Variants in MED13 observed in about 807,000 individuals in gnomAD.
The protein encoded by MED13 is mediator complex subunit 13.
MED13 carries 23 observed loss-of-function variants against 225.2 expected under a neutral mutation model. The observed-to-expected ratio is 0.10, with a 90% CI of 0.07 to 0.14. The LOEUF is 0.14. MED13 is among the 10% of genes least tolerant of loss of function. The pLI is 1.00. For missense variants in MED13, 2,197 were observed against 2,594.5 expected (o/e 0.85, Z 3.33); for synonymous variants, 942 against 889.2 (o/e 1.06, Z -1.06).
chr17:62,013,716 T>G, intron 8 of MED13, among the ~76,000 whole-genome samples: 1 of 152,154 alleles, frequency 6.6e-6, no homozygotes, highest in East Asian at 1.9e-4. Flanking sequence ...AGAAGATAAA[T>G]TGTCTTTATT....
At chr17:62,064,890 G>A (rs146772641) in intron 1 of MED13, among the ~76,000 whole-genome samples, 1 of 152,346 alleles carries the variant, frequency 6.6e-6, no homozygotes, top group Non-Finnish European at 1.5e-5. Flanking sequence ...TTGAGGACGA[G>A]ACTACGGTGA....
At chr17:62,039,856 C>T (rs925706729) in intron 3 of MED13, among the ~76,000 whole-genome samples, 3 of 152,100 alleles carry the variant, frequency 2.0e-5, no homozygotes, top group Non-Finnish European at 4.4e-5. Context: ...ACCTTGGCAT[C>T]CCAAAGTGCT....
intron 9 of MED13, among the ~76,000 whole-genome samples, chr17:62,010,019 C>G (rs748171447): frequency 1.3e-5 from 2 of 151,966 alleles, no homozygotes; most frequent in Non-Finnish European, 1.5e-5. Flanking sequence ...GTCAGGAGTT[C>G]GAGACCAGCC....
At position 61,965,051 on chromosome 17, in the gene MED13, T is replaced by A. The variant is rs756083852; in HGVS notation, c.4799A>T (p.Glu1600Val). The change falls in exon 20 of 30, where the codon GAA (glutamate) becomes GTA (valine). Residue 1600 changes from glutamate to valine, a missense_variant. Glu to Val is a moderately radical substitution (Grantham distance 121, BLOSUM62 -2). Around this residue, in one of 12 missense-constraint regions of MED13, gnomAD observed 457 missense variants for 442.2 expected, o/e 1.03. Coordinates refer to ENST00000397786, the MANE Select transcript of MED13 (RefSeq NM_005121.3). ...SALQTAGISG[E>V]SSSLPTQPHP... is the part of the protein sequence containing the mutation. The stretch of plus-strand genomic sequence containing the variant: ...CGGCTGAGTGGGAAGTGAAGATGAT[T>A]CTCCAGAAATCCCAGCTGTCTGTAG... The A allele has an allele frequency of 6.2e-7, 1 of 1,614,128 alleles. No homozygotes were observed. The highest frequency in any genetic ancestry group is 1.7e-5 in the Admixed American group (1 of 60,006).
rs1282921208 is a variant in MED13, at chr17:61,984,816, T to C, written c.2526A>G (p.Gln842=). Reference sequence around the variant, plus strand: ...TCATTGGGGAAAATCCCATAATATGTTGTTCCAATGATGGTGGTGTAGGAT... The same window carrying C: ...TCATTGGGGAAAATCCCATAATATGCTGTTCCAATGATGGTGGTGTAGGAT... ...KMYPTPPSLE[Q]HIMGFSPMNM... The change falls in exon 14 of 30, where the codon CAA becomes CAG. Residue 842 remains glutamine (Q), a synonymous_variant. Transcript: ENST00000397786. 1 of 1,613,624 alleles carries C rather than the reference T, an allele frequency of 6.2e-7. No homozygotes were observed. The highest frequency in any genetic ancestry group is 8.5e-7 in the Non-Finnish European group (1 of 1,179,680).
intron 12 of MED13, among the ~76,000 whole-genome samples, chr17:61,985,794 T>G (rs887495333): frequency 2.6e-5 from 4 of 152,246 alleles, no homozygotes; most frequent in Non-Finnish European, 4.4e-5. Flanking sequence ...ACATTAAAGT[T>G]TCCTATATAA....
At chr17:61,967,805 C>T (rs183946237) in intron 18 of MED13, among the ~76,000 whole-genome samples, 1 of 152,214 alleles carries the variant, frequency 6.6e-6, no homozygotes, top group African/African-American at 2.4e-5. Flanking sequence ...TATCTATATG[C>T]CCTCAATGTT....
chr17:62,063,038 ATTAG>A (rs1391158284), intron 2 of MED13, 25 bp downstream of exon 2: 3 of 1,511,830 alleles, frequency 2.0e-6, no homozygotes, highest in Admixed American at 1.7e-5. Flanking sequence ...TTGCTATATC[ATTAG>A]TTAGAAATGG....
chr17:62,029,719 G>T, intron 7 of MED13, 68 bp from the exon 8 acceptor site: 1 of 1,526,354 alleles, frequency 6.6e-7, no homozygotes. Flanking sequence ...ATGTAGCATT[G>T]AAATTAATTT....
intron 2 of MED13, among the ~76,000 whole-genome samples, chr17:62,060,316 A>C (rs973337950): frequency 2.0e-5 from 3 of 151,216 alleles, no homozygotes; most frequent in Non-Finnish European, 2.9e-5. Flanking sequence ...TTTACCATTC[A>C]TTAGCATTCA....
At position 62,045,903 on chromosome 17, in the gene MED13, A is replaced by G. The variant is rs1488333850; in HGVS notation, c.470+6634T>C. The stretch of plus-strand genomic sequence containing the variant: ...TAAAGACTGTTAAACACACAACTAC[A>G]TGTAGGTCCAGATTATCAGAAAATG... On this transcript the variant is annotated intron_variant, in intron 3 of 29. Coordinates refer to ENST00000397786, the MANE Select transcript of MED13 (RefSeq NM_005121.3). 2.0e-5 allele frequency among the ~76,000 whole-genome samples: 3 copies of G among 152,270 alleles called. No individual in the cohort carries two copies. The East Asian group carries it at 5.8e-4, about 29-fold the overall frequency.
chr17:61,964,939 A>T, intron 20 of MED13, 67 bp downstream of exon 20: 2 of 1,389,182 alleles, frequency 1.4e-6, no homozygotes, highest in Non-Finnish European at 1.9e-6. Flanking sequence ...GTGTCTCAAG[A>T]AAAAAAAAGA....
intron 17 of MED13, among the ~76,000 whole-genome samples, chr17:61,971,253 GAAAT>G (rs917610914): frequency 2.0e-5 from 3 of 148,576 alleles, no homozygotes; most frequent in Admixed American, 6.7e-5. Context: ...TTAAGGTACA[GAAAT>G]AAATAAATAA....
At position 62,040,374 on chromosome 17, in the gene MED13, T is replaced by C. The variant is rs1335975530; in HGVS notation, c.471-4766A>G. ...AAGTTATGAATGAGGCAGAATTTTA[T>C]AAATGAAACTTGAACAATCTTCCAT... is the stretch of plus-strand genomic sequence containing the variant. On this transcript the variant is annotated intron_variant, in intron 3 of 29. Coordinates refer to ENST00000397786, the MANE Select transcript of MED13 (RefSeq NM_005121.3). Among the ~76,000 whole-genome samples the C allele has an allele frequency of 3.3e-5, 5 of 152,294 alleles. 1 individual carries two copies. The South Asian group carries it at 6.2e-4, about 19-fold the overall frequency.
At chr17:62,057,550 C>T (rs1568007251) in intron 2 of MED13, among the ~76,000 whole-genome samples, 1 of 152,118 alleles carries the variant, frequency 6.6e-6, no homozygotes, top group African/African-American at 2.4e-5. Context: ...GGGCACACAA[C>T]AATGTTTTAG....
chr17:62,051,676 T>G (rs2080958268), intron 3 of MED13, among the ~76,000 whole-genome samples: 1 of 152,168 alleles, frequency 6.6e-6, no homozygotes, highest in African/African-American at 2.4e-5. Context: ...TGAAAAAAGA[T>G]GTGCATATAT....
At position 61,963,202 on chromosome 17, in the gene MED13, C is replaced by CA. The variant is rs11290002; in HGVS notation, c.4845-232dup. 2.4e-3 allele frequency among the ~76,000 whole-genome samples: 134 copies of CA among 55,802 alleles called. 6 individuals carry two copies. Among genetic ancestry groups the CA allele is most frequent in the South Asian group, 6.4e-3 (6 of 934 alleles). 36.6% of individuals were successfully genotyped at this position (55,802 alleles called of 152,430 possible). A position where few individuals can be genotyped will look rare whatever the true frequency, so the allele number is the denominator to read the frequency against. ...TTAAGAGGTCTTGCCTTAAATTTAC[C>CA]AAAAAAAAAAAAAAAAAAAAAAAAA... On this transcript the variant is annotated intron_variant, in intron 20 of 29. Transcript: ENST00000397786.
chr17:62,061,355 C>T (rs762555363), intron 2 of MED13, among the ~76,000 whole-genome samples: 4 of 148,028 alleles, frequency 2.7e-5, no homozygotes, highest in Non-Finnish European at 5.9e-5. Context: ...CCCATCTCTA[C>T]TTAAAAAGAA....
rs377114396 is a variant in MED13 at position 62,018,843 on chromosome 17, C to T, written c.1284-7610G>A. Among the ~76,000 whole-genome samples the T allele has an allele frequency of 2.0e-5, 3 of 152,216 alleles. No homozygotes were observed. The East Asian group carries it at 5.8e-4, about 29-fold the overall frequency. On this transcript the variant is annotated intron_variant, in intron 8 of 29. Transcript: ENST00000397786. ...AGGGTTCTAGAATATCGATCCTACACGGATATTTAGAGATGAGTATATATA... is the reference window on the plus strand; with the variant it reads ...AGGGTTCTAGAATATCGATCCTACATGGATATTTAGAGATGAGTATATATA...
Sources: allele counts gnomAD v4.1 joint callset (sites outside exome capture counted in the v4.1 genomes callset), GRCh38; gene constraint gnomAD v4.1.1; regional missense constraint gnomAD v4.1.1; transcripts MANE v1.5; gene names NCBI Gene and HGNC (gene_info 2026-07-23, HGNC 2026-07-21).